The following ICA1L variants were observed in gnomAD, a reference collection of about 807,000 sequenced individuals.
The protein encoded by ICA1L is islet cell autoantigen 1-like protein.
ICA1L carries 50 observed loss-of-function variants against 61.3 expected under a neutral mutation model. That is an observed-to-expected ratio of 0.82 (90% CI 0.65 to 1.03). The LOEUF (loss-of-function observed/expected upper bound fraction) is 1.03. Among genes scored for constraint, ICA1L ranks in the 50% least tolerant of loss-of-function variants. ICA1L has a pLI of 0.00. For missense variants in ICA1L, 508 were observed against 556.7 expected, an observed-to-expected ratio of 0.91 and a Z score of 0.88; for synonymous variants, 161 against 191.3, an observed-to-expected ratio of 0.84 and a Z score of 1.31.
At chr2:202,804,520 A>G (rs1235661003) in intron 9 of ICA1L, among the ~76,000 whole-genome samples, 2 of 152,196 alleles carry the variant, frequency 1.3e-5, no homozygotes, top group African/African-American at 2.4e-5. Flanking sequence ...CCCTACCCCC[A>G]GATCCTCAAA....
At chr2:202,851,378 A>G (rs1285121726) in intron 1 of ICA1L, among the ~76,000 whole-genome samples, 5 of 152,156 alleles carry the variant, frequency 3.3e-5, no homozygotes, top group Admixed American at 6.5e-5. Flanking sequence ...TCCATGGTGT[A>G]TATGTGCCAC....
At position 202,843,685 on chromosome 2, in the gene ICA1L, C is replaced by T. The variant is rs188756436; in HGVS notation, c.-7-14669G>A. 5.3e-5 allele frequency among the ~76,000 whole-genome samples: 8 copies of T among 152,298 alleles called. No individual in the cohort carries two copies. In the East Asian group the frequency reaches 1.3e-3, roughly 26 times the overall value. ...CTGCTGTGTAACAGAATGCGAGATGCAGATGCTTGTTAAACAGCTAAGAGA... is the reference window on the plus strand; with the variant it reads ...CTGCTGTGTAACAGAATGCGAGATGTAGATGCTTGTTAAACAGCTAAGAGA... On this transcript the variant is annotated intron_variant, in intron 1 of 12. Coordinates refer to ENST00000358299, the MANE Select transcript of ICA1L (RefSeq NM_001288622.3).
chr2:202,837,034 G>T (rs1013128531), intron 1 of ICA1L, among the ~76,000 whole-genome samples: 1 of 151,816 alleles, frequency 6.6e-6, no homozygotes, highest in Non-Finnish European at 1.5e-5. Context: ...TAGAGATGGG[G>T]TTTCGCCATG....
chr2:202,840,381 T>G, intron 1 of ICA1L: 1 of 491,808 alleles, frequency 2.0e-6, no homozygotes, highest in Non-Finnish European at 4.0e-6. Flanking sequence ...CCATCGTGGA[T>G]CTCAATCTTC....
Position 202,819,700 on chromosome 2 carries a change from C to T in ICA1L, c.558+1G>A. 6.2e-7 allele frequency: 1 copy of T among 1,610,344 alleles called. No homozygotes were observed. The highest frequency in any genetic ancestry group is 8.5e-7 in the Non-Finnish European group (1 of 1,176,618). ...AAAAGGAAAGGGATACGTTTTCATA[C>T]TTTTCTAAACTTTTCCATTTGCTTT... On this transcript the variant is annotated splice_donor_variant, in intron 5 of 12. Transcript: ENST00000358299. LOFTEE classifies it high-confidence loss of function.
chr2:202,821,149 T>G (rs952660639), intron 4 of ICA1L, among the ~76,000 whole-genome samples: 1 of 152,200 alleles, frequency 6.6e-6, no homozygotes, highest in Non-Finnish European at 1.5e-5. Context: ...TTCTAGAAAT[T>G]AAGCAACCAA....
intron 12 of ICA1L, 21 bp from the exon 13 acceptor site, chr2:202,779,669 T>TA: frequency 7.5e-7 from 1 of 1,330,334 alleles, no homozygotes; most frequent in Non-Finnish European, 1.1e-6. Flanking sequence ...AGAAAAAAAA[T>TA]ACATTAAAGA....
At chr2:202,784,678 G>A (rs1380772423) in intron 12 of ICA1L, among the ~76,000 whole-genome samples, 1 of 152,120 alleles carries the variant, frequency 6.6e-6, no homozygotes, top group Non-Finnish European at 1.5e-5. Context: ...GCTACAGGAT[G>A]AACCTTGAGG....
chr2:202,824,413 T>G (rs545551954), intron 3 of ICA1L, among the ~76,000 whole-genome samples: 3 of 151,752 alleles, frequency 2.0e-5, no homozygotes, highest in Non-Finnish European at 4.4e-5. Context: ...AAAAAAAAAT[T>G]CTGTCCTTAA....
intron 1 of ICA1L, among the ~76,000 whole-genome samples, chr2:202,863,771 G>A (rs1687364472): frequency 6.7e-6 from 1 of 150,244 alleles, no homozygotes; most frequent in African/African-American, 2.5e-5. Context: ...AGCTTGCAGT[G>A]AGCCGAGATA....
Position 202,862,272 on chromosome 2 carries a change from CAAAAAAAAAAAAA to C in ICA1L, c.-8+9334_-8+9346del, listed in dbSNP as rs778355110. ...GCAACACAGTAAGACCTCATTTCTA[CAAAAAAAAAAAAA>C]AAAAAAAAAAAAAAAAAAAAGGCCA... On this transcript the variant is annotated intron_variant, in intron 1 of 12. Coordinates refer to ENST00000358299, the MANE Select transcript of ICA1L (RefSeq NM_001288622.3). 5.4e-3 allele frequency among the ~76,000 whole-genome samples: 342 copies of C among 62,976 alleles called. 6 individuals carry two copies. The highest frequency in any genetic ancestry group is 0.025 in the African/African-American group (297 of 12,070). The allele number at this position is 62,976 out of a possible 152,430, so 41.3% of individuals were successfully genotyped here.
At chr2:202,814,320 T>A (rs1693469426) in intron 8 of ICA1L, among the ~76,000 whole-genome samples, 1 of 152,044 alleles carries the variant, frequency 6.6e-6, no homozygotes, top group Non-Finnish European at 1.5e-5. Flanking sequence ...GGATTAGTTC[T>A]CTCAGGAATG....
chr2:202,836,603 T>C (rs1694154752), intron 1 of ICA1L, among the ~76,000 whole-genome samples: 1 of 152,086 alleles, frequency 6.6e-6, no homozygotes, highest in African/African-American at 2.4e-5. Flanking sequence ...TGTTTGGTAG[T>C]ATTCAGTAGT....
intron 1 of ICA1L, among the ~76,000 whole-genome samples, chr2:202,836,097 G>T (rs937531329): frequency 6.6e-6 from 1 of 151,906 alleles, no homozygotes; most frequent in Non-Finnish European, 1.5e-5. Flanking sequence ...TCTTGTTCTT[G>T]ATTTCAGAAA....
chr2:202,816,785 T>G (rs948109989), intron 6 of ICA1L, among the ~76,000 whole-genome samples: 3 of 152,202 alleles, frequency 2.0e-5, no homozygotes, highest in African/African-American at 7.2e-5. Context: ...TTTTTTCCAT[T>G]GAAAAATATA....
intron 5 of ICA1L, among the ~76,000 whole-genome samples, chr2:202,818,774 C>T (rs979468149): frequency 6.6e-6 from 1 of 152,138 alleles, no homozygotes; most frequent in Non-Finnish European, 1.5e-5. Flanking sequence ...TCCCCAGCCA[C>T]GTGGAACTGT....
chr2:202,797,920 T>C (rs1246671710), intron 9 of ICA1L, among the ~76,000 whole-genome samples: 1 of 152,232 alleles, frequency 6.6e-6, no homozygotes, highest in East Asian at 1.9e-4. Flanking sequence ...GTTGAAATTT[T>C]GTATCCTTTG....
rs1006488816 is a variant in ICA1L, at chr2:202,817,353, C to T, written c.684+65G>A. The T allele has an allele frequency of 2.2e-5, 31 of 1,438,206 alleles. 1 individual carries two copies. In the African/African-American group the frequency reaches 3.9e-4, roughly 18 times the overall value. 89.1% of individuals were successfully genotyped at this position (1,438,206 alleles called of 1,614,324 possible). ...ATAAATTTTTACACCCTTTAGACAA[C>T]TTTTAAAAAGAAATCTCACCACTCA... On this transcript the variant is annotated intron_variant, in intron 6 of 12. Transcript: ENST00000358299.
intron 1 of ICA1L, chr2:202,841,587 T>C (rs924316495): frequency 1.0e-5 from 7 of 684,282 alleles, no homozygotes; most frequent in Admixed American, 3.8e-5. Flanking sequence ...GCAGTGATGC[T>C]TCCCATGCCA....
Sources: gnomAD v4.1 joint callset for allele counts (sites outside exome capture counted in the v4.1 genomes callset) on GRCh38, gnomAD v4.1.1 for gene constraint, MANE v1.5 for transcripts, NCBI Gene and HGNC (gene_info 2026-07-23, HGNC 2026-07-21) for gene names.